ADAM17: variants seen among roughly 807,000 people sequenced by gnomAD.
ADAM17 encodes disintegrin and metalloproteinase domain-containing protein 17.
In ADAM17, 39 loss-of-function variants were observed where a neutral mutation model predicts 96.7. The observed-to-expected ratio is 0.40, with a 90% CI of 0.31 to 0.53. ADAM17 has a LOEUF of 0.53. Among genes scored for constraint, ADAM17 ranks in the 20% least tolerant of loss-of-function variants. The pLI is 0.44. For missense variants in ADAM17, 777 were observed against 1,013.2 expected, an observed-to-expected ratio of 0.77 and a Z score of 3.17; for synonymous variants, 344 against 359.2, an observed-to-expected ratio of 0.96 and a Z score of 0.48.
chr2:9,545,473 G>A lies in ADAM17; in HGVS notation c.98-2188C>T, dbSNP rs375434019. Among the ~76,000 whole-genome samples, 99 of 152,228 alleles carry A rather than the reference G, an allele frequency of 6.5e-4. 1 individual carries two copies. The highest frequency in any genetic ancestry group is 2.4e-3 in the African/African-American group (98 of 41,524). Reference sequence around the variant, plus strand: ...TAATCCCAGCTACTCGGTAGGCTGAGGCAAGAGAACTGCTTGAACCTGGGA... The same window carrying A: ...TAATCCCAGCTACTCGGTAGGCTGAAGCAAGAGAACTGCTTGAACCTGGGA... On this transcript the variant is annotated intron_variant, in intron 1 of 18. Transcript: ENST00000310823.
rs1004977948 is a variant in ADAM17, at chr2:9,503,159, G to GA, written c.1545-884dup. Among the ~76,000 whole-genome samples, 950 of 139,270 alleles carry GA rather than the reference G, an allele frequency of 6.8e-3. 4 individuals carry two copies. Among genetic ancestry groups the GA allele is most frequent in the African/African-American group, 0.022 (849 of 38,068 alleles). The allele number at this position is 139,270 out of a possible 152,430, so 91.4% of individuals were successfully genotyped here. ...TCTCAAAAAAAAAAAAAAAGACAAG[G>GA]AAAAAAAAAAAAGACAAGGTGGGGC... On this transcript the variant is annotated intron_variant, in intron 12 of 18. Coordinates refer to ENST00000310823, the MANE Select transcript of ADAM17 (RefSeq NM_003183.6).
At position 9,535,875 on chromosome 2, in the gene ADAM17, T is replaced by C. The variant is rs1193873016; in HGVS notation, c.409A>G (p.Ile137Val). The C allele has an allele frequency of 3.1e-6, 5 of 1,605,788 alleles. No individual in the cohort carries two copies. The highest frequency in any genetic ancestry group is 4.3e-6 in the Non-Finnish European group (5 of 1,175,876). ...GCCCCATCTGTGTTGATTCTGATTA[T>C]AACATCATCATCTCTTATGTGGGCT... ...VLAHIRDDDV[I>V]IRINTDGAEY... is the part of the protein sequence containing the mutation. Residue 137 changes from isoleucine to valine, a missense_variant, in exon 4 of 19, where the codon ATA becomes GTA. Around this residue, in one of 3 missense-constraint regions of ADAM17, gnomAD observed 446 missense variants for 664.7 expected, o/e 0.67. Transcript: ENST00000310823.
At chr2:9,517,253 C>T (rs1664101523) in intron 10 of ADAM17, among the ~76,000 whole-genome samples, 1 of 152,054 alleles carries the variant, frequency 6.6e-6, no homozygotes, top group Admixed American at 6.6e-5. Context: ...CACATTTTAA[C>T]AGACATAGCT....
intron 1 of ADAM17, among the ~76,000 whole-genome samples, chr2:9,543,892 C>T (rs1665311853): frequency 6.6e-6 from 1 of 152,066 alleles, no homozygotes. Flanking sequence ...TTGTATACTT[C>T]AAAACAGCTA....
At chr2:9,519,575 T>C (rs943471885) in intron 8 of ADAM17, among the ~76,000 whole-genome samples, 2 of 152,152 alleles carry the variant, frequency 1.3e-5, no homozygotes, top group African/African-American at 4.8e-5. Context: ...ATTCAAATGT[T>C]GAAGTCCTAA....
At chr2:9,515,246 G>A (rs566179289) in intron 10 of ADAM17, among the ~76,000 whole-genome samples, 1 of 152,148 alleles carries the variant, frequency 6.6e-6, no homozygotes, top group East Asian at 1.9e-4. Context: ...TCATATATTT[G>A]GAATCATATA....
At chr2:9,493,105 G>A (rs188017966) in intron 16 of ADAM17, 119 bp from the exon 17 acceptor site, 16 of 773,896 alleles carry the variant, frequency 2.1e-5, no homozygotes, top group African/African-American at 1.8e-4. Context: ...ACATACTACC[G>A]AGAGCAGAAT....
rs756306371 is a variant in ADAM17, at chr2:9,510,084, T to A, written c.1239A>T (p.Ala413=). The A allele has an allele frequency of 1.9e-6, 3 of 1,614,086 alleles. No homozygotes were observed. In the Admixed American group the frequency reaches 5.0e-5, roughly 27 times the overall value. Residue 413 remains alanine (A), a synonymous_variant, in exon 11 of 19, where the codon GCA becomes GCT. Coordinates refer to ENST00000310823, the MANE Select transcript of ADAM17 (RefSeq NM_003183.6). The part of the protein sequence containing the change: ...TTHELGHNFG[A]EHDPDGLAEC... ...CTGCTAGACCATCCGGATCATGTTC[T>A]GCTCCAAAATTATGTCCCAATTCAT...
chr2:9,513,880 G>A (rs555473108), intron 10 of ADAM17, among the ~76,000 whole-genome samples: 49 of 151,894 alleles, frequency 3.2e-4, no homozygotes, highest in Middle Eastern at 3.4e-3. Context: ...TCGTGATGGC[G>A]CATGCCTGTA....
intron 4 of ADAM17, among the ~76,000 whole-genome samples, chr2:9,528,833 C>T (rs1664629616): frequency 6.6e-6 from 1 of 152,130 alleles, no homozygotes; most frequent in Non-Finnish European, 1.5e-5. Flanking sequence ...AATCCAGAAC[C>T]CTCACATATG....
chr2:9,520,157 A>T (rs1376117389), intron 8 of ADAM17, among the ~76,000 whole-genome samples: 1 of 152,276 alleles, frequency 6.6e-6, no homozygotes, highest in African/African-American at 2.4e-5. Flanking sequence ...GGACTAGCCC[A>T]TGCAAACTAT....
Position 9,521,315 on chromosome 2 carries a change from A to G in ADAM17, c.845T>C (p.Ile282Thr). 6.3e-7 allele frequency: 1 copy of G among 1,584,598 alleles called. No individual in the cohort carries two copies. The highest frequency in any genetic ancestry group is 8.7e-7 in the Non-Finnish European group (1 of 1,153,454). The change falls in exon 8 of 19, where the codon ATT becomes ACT. Residue 282 changes from isoleucine (I) to threonine (T), a missense_variant and splice_region_variant. Transcript: ENST00000310823. ...FKGYGIQIEQIRILKSPQEVK... is the reference protein window; with the variant it reads ...FKGYGIQIEQTRILKSPQEVK... Reference sequence around the variant, plus strand: ...CTCTTGTGGAGACTTGAGAATGCGAATCTATACTTAAAGAGATCATATACT... The same window carrying G: ...CTCTTGTGGAGACTTGAGAATGCGAGTCTATACTTAAAGAGATCATATACT...
chr2:9,531,504 C>T (rs1354426617), intron 4 of ADAM17, among the ~76,000 whole-genome samples: 1 of 151,870 alleles, frequency 6.6e-6, no homozygotes, highest in Non-Finnish European at 1.5e-5. Context: ...GAGTTCAAGA[C>T]CAGCCTGGCC....
chr2:9,522,266 A>G, intron 7 of ADAM17: 1 of 415,736 alleles, frequency 2.4e-6, no homozygotes, highest in Admixed American at 4.1e-5. Flanking sequence ...GTTGTGTCAA[A>G]TACAGACATA....
At chr2:9,497,719 G>A (rs941156693) in intron 13 of ADAM17, among the ~76,000 whole-genome samples, 1 of 152,018 alleles carries the variant, frequency 6.6e-6, no homozygotes, top group African/African-American at 2.4e-5. Context: ...CTGGAATGCT[G>A]GTGTTTCCAC....
At chr2:9,494,916 C>A (rs1465610528) in intron 14 of ADAM17, 149 bp from the exon 15 acceptor site, 2 of 926,094 alleles carry the variant, frequency 2.2e-6, no homozygotes, top group Non-Finnish European at 3.1e-6. Context: ...ATAGCCCCCA[C>A]CAAGGAGTAG....
intron 10 of ADAM17, among the ~76,000 whole-genome samples, chr2:9,514,263 A>G (rs1257216208): frequency 6.7e-6 from 1 of 148,534 alleles, no homozygotes. Context: ...CAAGGACAAA[A>G]GCCAAACACC....
In ADAM17 at chr2:9,499,158, G is replaced by A. The variant is rs143866237; in HGVS notation, c.1649-1910C>T. Among the ~76,000 whole-genome samples, 1,165 of 131,350 alleles carry A rather than the reference G, an allele frequency of 8.9e-3. 10 individuals are homozygous for A. Among genetic ancestry groups the A allele is most frequent in the Non-Finnish European group, 0.013 (868 of 64,620 alleles). The allele number at this position is 131,350 out of a possible 152,430, so 86.2% of individuals were successfully genotyped here. On this transcript the variant is annotated intron_variant, in intron 13 of 18. Transcript: ENST00000310823. Reference sequence around the variant, plus strand: ...AGGTTGTTGTTCTCTAGCTTTTCCTGCTAGAAAATACTGATTCCTTATCAG... The same window carrying A: ...AGGTTGTTGTTCTCTAGCTTTTCCTACTAGAAAATACTGATTCCTTATCAG...
intron 2 of ADAM17, among the ~76,000 whole-genome samples, chr2:9,541,159 T>C (rs1572955405): frequency 6.6e-6 from 1 of 152,248 alleles, no homozygotes; most frequent in African/African-American, 2.4e-5. Flanking sequence ...GTCAGTATGT[T>C]GTTACAATTC....
Sources: allele counts gnomAD v4.1 joint callset (sites outside exome capture counted in the v4.1 genomes callset), GRCh38; gene constraint gnomAD v4.1.1; regional missense constraint gnomAD v4.1.1; transcripts MANE v1.5; gene names NCBI Gene and HGNC (gene_info 2026-07-23, HGNC 2026-07-21).